DUSP22: variants seen among roughly 807,000 people sequenced by gnomAD.
DUSP22 encodes dual specificity phosphatase 22.
A neutral mutation model predicts 24.5 loss-of-function variants in DUSP22; 24 were observed. The ratio of observed to expected loss-of-function variants is 0.98; its 90% CI spans 0.71 to 1.38. The LOEUF is 1.38. DUSP22 is among the 40% of genes most tolerant of loss of function. DUSP22 has a pLI of 0.00. For missense variants in DUSP22, 330 were observed against 269.2 expected, an observed-to-expected ratio of 1.23 and a Z score of -1.58; for synonymous variants, 160 against 106.4, an observed-to-expected ratio of 1.50 and a Z score of -3.10.
chr6:321,528 T>C (rs75895972), intron 3 of DUSP22, among the ~76,000 whole-genome samples: 6 of 152,298 alleles, frequency 3.9e-5, no homozygotes, highest in African/African-American at 2.4e-5. Context: ...GGACTGGATA[T>C]TTTTTAGAAG....
Position 348,830 on chromosome 6 carries a change from A to T in DUSP22, c.497A>T (p.Lys166Ile). ...CCTTTGCAGGATGCAGAAGAAGCCA[A>T]AAACATTCTGGGTAAATATAAGGAG... ...ESPLQDAEEA[K>I]NILGKYKEQG... Residue 166 changes from lysine to isoleucine, a missense_variant, in exon 7 of 7, where the codon AAA becomes ATA. Lys to Ile is a moderately radical substitution (Grantham distance 102). Coordinates refer to ENST00000419235, the MANE Select transcript of DUSP22 (RefSeq NM_001286555.3). 1 of 1,614,314 alleles carries T rather than the reference A, an allele frequency of 6.2e-7. No homozygotes were observed. The highest frequency in any genetic ancestry group is 8.5e-7 in the Non-Finnish European group (1 of 1,180,062).
chr6:324,345 C>T (rs1758748633), intron 3 of DUSP22, among the ~76,000 whole-genome samples: 1 of 152,304 alleles, frequency 6.6e-6, no homozygotes, highest in African/African-American at 2.4e-5. Flanking sequence ...GGAGCAGTGA[C>T]CCGCTCATCC....
At chr6:334,914 A>G (rs1404859823) in intron 3 of DUSP22, among the ~76,000 whole-genome samples, 200 bp from the exon 4 acceptor site, 1 of 152,308 alleles carries the variant, frequency 6.6e-6, no homozygotes. Flanking sequence ...CCAAAGCAGG[A>G]TTATTTGTAC....
At chr6:305,509 G>T (rs2127393854) in intron 2 of DUSP22, among the ~76,000 whole-genome samples, 1 of 152,422 alleles carries the variant, frequency 6.6e-6, no homozygotes, top group South Asian at 2.1e-4. Context: ...TTCATCTCTG[G>T]CAGATTCTTC....
At chr6:313,604 C>A (rs1280835060) in intron 3 of DUSP22, among the ~76,000 whole-genome samples, 1 of 152,304 alleles carries the variant, frequency 6.6e-6, no homozygotes, top group African/African-American at 2.4e-5. Context: ...AGTGCTACCC[C>A]TTTTCTTCAC....
intron 4 of DUSP22, among the ~76,000 whole-genome samples, chr6:341,505 A>C (rs990239928): frequency 3.9e-5 from 6 of 152,422 alleles, no homozygotes; most frequent in African/African-American, 1.4e-4. Context: ...CCAAAGTGGC[A>C]GTGCGCTCGC....
chr6:333,662 G>T (rs1320143416), intron 3 of DUSP22, among the ~76,000 whole-genome samples: 1 of 152,310 alleles, frequency 6.6e-6, no homozygotes, highest in East Asian at 1.9e-4. Flanking sequence ...GTTTTAGGCT[G>T]AAGTTCAGGA....
At chr6:322,071 G>GCATATCATCTACATAGTGTACA in intron 3 of DUSP22, among the ~76,000 whole-genome samples, 1 of 152,210 alleles carries the variant, frequency 6.6e-6, no homozygotes, top group Non-Finnish European at 1.5e-5. Flanking sequence ...CATAGTGTAT[G>GCATATCATCTACATAGTGTACA]CATATCATCT....
chr6:344,850 G>A (rs537336690), intron 4 of DUSP22, among the ~76,000 whole-genome samples: 1 of 152,416 alleles, frequency 6.6e-6, no homozygotes, highest in East Asian at 1.9e-4. Flanking sequence ...GAGTAAATCA[G>A]CTTTTAGGAC....
intron 3 of DUSP22, among the ~76,000 whole-genome samples, chr6:319,103 G>A (rs558276113): frequency 1.3e-5 from 2 of 152,256 alleles, no homozygotes; most frequent in African/African-American, 4.8e-5. Flanking sequence ...GGGAGGGGAG[G>A]GAGGGAAGGA....
chr6:345,567 A>G (rs1342416012), intron 4 of DUSP22, among the ~76,000 whole-genome samples: 3 of 152,306 alleles, frequency 2.0e-5, no homozygotes, highest in African/African-American at 4.8e-5. Flanking sequence ...ATAATGTAGT[A>G]TATGTTTCAA....
chr6:329,032 A>T (rs1214931257), intron 3 of DUSP22, among the ~76,000 whole-genome samples: 1 of 152,308 alleles, frequency 6.6e-6, no homozygotes, highest in African/African-American at 2.4e-5. Flanking sequence ...ATCAAAATGC[A>T]TGTGCCACGC....
chr6:297,850 C>A (rs1201157286), intron 1 of DUSP22, among the ~76,000 whole-genome samples: 1 of 152,304 alleles, frequency 6.6e-6, no homozygotes, highest in African/African-American at 2.4e-5. Flanking sequence ...TTCCACCTGG[C>A]AGCAGGTGAC....
chr6:299,134 T>C (rs541872532), intron 1 of DUSP22, among the ~76,000 whole-genome samples: 1 of 152,292 alleles, frequency 6.6e-6, no homozygotes, highest in Non-Finnish European at 1.5e-5. Context: ...CATTCCCAAG[T>C]TGCCTTTACA....
At chr6:327,528 C>T (rs1473769353) in intron 3 of DUSP22, among the ~76,000 whole-genome samples, 1 of 152,306 alleles carries the variant, frequency 6.6e-6, no homozygotes, top group Non-Finnish European at 1.5e-5. Flanking sequence ...TGCCAGGAGA[C>T]TGATAGATGA....
intron 1 of DUSP22, among the ~76,000 whole-genome samples, chr6:303,310 C>T (rs1757668938): frequency 6.6e-6 from 1 of 152,304 alleles, no homozygotes. Context: ...AGCCTCTTTT[C>T]ATTCTTGGAC....
rs1334705800 is a variant in DUSP22 at position 350,791 on chromosome 6, A to G, written c.*1840A>G. 6.2e-7 allele frequency: 1 copy of G among 1,614,092 alleles called. No homozygotes were observed. Among genetic ancestry groups the G allele is most frequent in the Non-Finnish European group, 8.5e-7 (1 of 1,180,016 alleles). On this transcript the variant is annotated 3_prime_UTR_variant, in exon 7 of 7. Transcript: ENST00000419235. Reference sequence around the variant, plus strand: ...GGAGTTCTTGAAATGTTGTTTTAATATTTGTTGCCAGTAATGTTCTTTCTT... The same window carrying G: ...GGAGTTCTTGAAATGTTGTTTTAATGTTTGTTGCCAGTAATGTTCTTTCTT...
At chr6:299,632 A>G (rs1399801824) in intron 1 of DUSP22, among the ~76,000 whole-genome samples, 1 of 152,304 alleles carries the variant, frequency 6.6e-6, no homozygotes, top group Non-Finnish European at 1.5e-5. Context: ...CATGAAGTTA[A>G]AGGTTGACTG....
chr6:342,372 A>C lies in DUSP22; in HGVS notation c.189-3482A>C, dbSNP rs545688666. Among the ~76,000 whole-genome samples, 12 of 152,418 alleles carry C rather than the reference A, an allele frequency of 7.9e-5. No individual in the cohort carries two copies. In the East Asian group the frequency reaches 2.3e-3, roughly 29 times the overall value. On this transcript the variant is annotated intron_variant, in intron 4 of 6. Transcript: ENST00000419235. ...CGTCTTGGCACCCTTGGGGGGCCAC[A>C]GCAGCGTGAGCAGCCTGGGGGACCA...
Sources: allele counts gnomAD v4.1 joint callset (sites outside exome capture counted in the v4.1 genomes callset), GRCh38; gene constraint gnomAD v4.1.1; transcripts MANE v1.5; gene names NCBI Gene and HGNC (gene_info 2026-07-23, HGNC 2026-07-21).